Variants in PGBD4 observed in about 807,000 individuals in gnomAD.
The protein encoded by PGBD4 is piggyBac transposable element-derived protein 4.
In PGBD4, 1 loss-of-function variant was observed where a neutral mutation model predicts 0.3. The ratio of observed to expected loss-of-function variants is 3.72; its 90% CI spans 1.32 to 17.64. The LOEUF (loss-of-function observed/expected upper bound fraction) is 17.64, where lower values mean the gene tolerates loss of function less well. Among genes scored for constraint, PGBD4 ranks in the 30% most tolerant of loss-of-function variants. The pLI is 0.11. For missense variants in PGBD4, 624 were observed against 719.7 expected (o/e 0.87, Z 1.52); for synonymous variants, 253 against 267.7 (o/e 0.95, Z 0.54).
chr15:34,103,091 A>C lies in PGBD4; in HGVS notation c.560A>C (p.Tyr187Ser). 1 of 1,613,952 alleles carries C rather than the reference A, an allele frequency of 6.2e-7. No individual in the cohort carries two copies. Among genetic ancestry groups the C allele is most frequent in the Non-Finnish European group, 8.5e-7 (1 of 1,179,998 alleles). Reference protein sequence around the residue: ...WSTRPLLDTPYLRQIMTGERF... With the variant: ...WSTRPLLDTPSLRQIMTGERF... ...ACAAGGCCTCTTTTGGATACACCTT[A>C]TCTCAGGCAAATTATGACTGGTGAA... Residue 187 changes from tyrosine (Y) to serine (S), a missense_variant, in exon 1 of 1, where the codon TAT (tyrosine) becomes TCT (serine). Transcript: ENST00000397766. The surrounding 1 kb of genome is among the most constrained non-coding windows in gnomAD (Gnocchi z 4.6).
chr15:34,102,101 C>A lies in PGBD4; in HGVS notation c.-431C>A. 2 of 530,052 alleles carry A rather than the reference C, an allele frequency of 3.8e-6. No homozygotes were observed. The highest frequency in any genetic ancestry group is 6.6e-6 in the Non-Finnish European group (2 of 303,426). The allele number at this position is 530,052 out of a possible 1,614,324, so 32.8% of individuals were successfully genotyped here. A position where few individuals can be genotyped will look rare whatever the true frequency, so the allele number is the denominator to read the frequency against. On this transcript the variant is annotated 5_prime_UTR_variant, in exon 1 of 1. Coordinates refer to ENST00000397766, the MANE Select transcript of PGBD4 (RefSeq NM_152595.5). This position sits in a 1 kb window ranked among gnomAD's most constrained non-coding sequence, Gnocchi z 4.7. ...GTCAAGTGCCTATGAAGGGGACTGC[C>A]CATGAAGTGAAAGTCAAGTGTGTGT...
rs1901207620 is a variant in PGBD4 at position 34,103,087 on chromosome 15, C to G, written c.556C>G (p.Pro186Ala). The G allele has an allele frequency of 1.2e-5, 19 of 1,613,778 alleles. No individual in the cohort carries two copies. Among genetic ancestry groups the G allele is most frequent in the Non-Finnish European group, 1.6e-5 (19 of 1,180,008 alleles). The change falls in exon 1 of 1, where the codon CCT becomes GCT. Residue 186 changes from proline (P) to alanine (A), a missense_variant. Pro to Ala is a conservative substitution (Grantham distance 27, BLOSUM62 -1). Coordinates refer to ENST00000397766, the MANE Select transcript of PGBD4 (RefSeq NM_152595.5). This position sits in a 1 kb window ranked among gnomAD's most constrained non-coding sequence, Gnocchi z 4.6. ...GTCAACAAGGCCTCTTTTGGATACA[C>G]CTTATCTCAGGCAAATTATGACTGG... ...FWSTRPLLDT[P>A]YLRQIMTGER...
rs747098329 is a variant in PGBD4 at position 34,102,552 on chromosome 15, T to C, written c.21T>C (p.Arg7=). 2 of 1,545,006 alleles carry C rather than the reference T, an allele frequency of 1.3e-6. No individual in the cohort carries two copies. Among genetic ancestry groups the C allele is most frequent in the South Asian group, 2.4e-5 (2 of 82,760 alleles). The change falls in exon 1 of 1, where the codon CGT becomes CGC. Residue 7 remains arginine, a synonymous_variant. Transcript: ENST00000397766. The surrounding 1 kb of genome is among the most constrained non-coding windows in gnomAD (Gnocchi z 4.7). MSNPRK[R]SIPMRDSNTG... ...CTGAAATGTCAAATCCTAGAAAACG[T>C]AGCATTCCTATGCGTGATAGTAATA...
At position 34,103,611 on chromosome 15, in the gene PGBD4, G is replaced by C. The variant is rs765845518; in HGVS notation, c.1080G>C (p.Gln360His). The C allele has an allele frequency of 6.2e-7, 1 of 1,614,140 alleles. No homozygotes were observed. Among genetic ancestry groups the C allele is most frequent in the South Asian group, 1.1e-5 (1 of 91,078 alleles). The change falls in exon 1 of 1, where the codon CAG (glutamine) becomes CAC (histidine). Residue 360 changes from glutamine (Q) to histidine (H), a missense_variant. Coordinates refer to ENST00000397766, the MANE Select transcript of PGBD4 (RefSeq NM_152595.5). The surrounding 1 kb of genome is among the most constrained non-coding windows in gnomAD (Gnocchi z 4.6). ...GGACAGCTCGTTTGAACAGAAAACA[G>C]ATTCCAAATGATCTGAAAAAAAGGA... ...AVGTARLNRK[Q>H]IPNDLKKRIA...
Position 34,102,610 on chromosome 15 carries a change from T to C in PGBD4, c.79T>C (p.Phe27Leu), listed in dbSNP as rs763657982. The change falls in exon 1 of 1, where the codon TTT becomes CTT. Residue 27 changes from phenylalanine to leucine, a missense_variant. Phe to Leu is a conservative substitution (Grantham distance 22). Transcript: ENST00000397766. This position sits in a 1 kb window ranked among gnomAD's most constrained non-coding sequence, Gnocchi z 4.7. ...CGAACAGTTGTTGGCTGAAGATTCA[T>C]TTGATGAATCTGATTTTTCGGAAAT... is the stretch of plus-strand genomic sequence containing the variant. ...GLEQLLAEDS[F>L]DESDFSEIDD... 6.2e-7 allele frequency: 1 copy of C among 1,612,524 alleles called. No homozygotes were observed. Among genetic ancestry groups the C allele is most frequent in the Non-Finnish European group, 8.5e-7 (1 of 1,179,338 alleles).
In PGBD4 at chr15:34,103,346, G is replaced by C; in HGVS notation, c.815G>C (p.Arg272Pro). The C allele has an allele frequency of 6.2e-7, 1 of 1,614,194 alleles. No individual in the cohort carries two copies. Among genetic ancestry groups the C allele is most frequent in the Non-Finnish European group, 8.5e-7 (1 of 1,180,048 alleles). ...CAGTACCTCCCGACAAAACGAGTAC[G>C]ATTTGGTCTGAAGCTATATGTACTT... The part of the protein sequence containing the change: ...MKQYLPTKRV[R>P]FGLKLYVLCE... Residue 272 changes from arginine to proline, a missense_variant, in exon 1 of 1, where the codon CGA (arginine) becomes CCA (proline). Physicochemically the swap from Arg to Pro is moderately radical, Grantham distance 103 (BLOSUM62 -2). Coordinates refer to ENST00000397766, the MANE Select transcript of PGBD4 (RefSeq NM_152595.5). This position sits in a 1 kb window ranked among gnomAD's most constrained non-coding sequence, Gnocchi z 4.6.
Position 34,108,659 on chromosome 15 carries a change from T to C in PGBD4, c.*4370T>C, listed in dbSNP as rs762281351. On this transcript the variant is annotated 3_prime_UTR_variant, in exon 1 of 1. Transcript: ENST00000397766. ...TCAAAAATTGCAAAATTTAGAAATATGCTGAAATAAAAACAGCTTCATCCC... is the reference window on the plus strand; with the variant it reads ...TCAAAAATTGCAAAATTTAGAAATACGCTGAAATAAAAACAGCTTCATCCC... 1 of 152,084 alleles carries C rather than the reference T, an allele frequency of 6.6e-6. No individual in the cohort carries two copies. Among genetic ancestry groups the C allele is most frequent in the East Asian group, 1.9e-4 (1 of 5,204 alleles). The allele number at this position is 152,084 out of a possible 1,614,324, so 9.4% of individuals were successfully genotyped here.
rs376958879 is a variant in PGBD4 at position 34,103,812 on chromosome 15, T to C, written c.1281T>C (p.Asn427=). Residue 427 remains asparagine, a synonymous_variant, in exon 1 of 1, where the codon AAT becomes AAC. Coordinates refer to ENST00000397766, the MANE Select transcript of PGBD4 (RefSeq NM_152595.5). The surrounding 1 kb of genome is among the most constrained non-coding windows in gnomAD (Gnocchi z 4.6). ...RPRVIVDYNE[N]MGAVDSADQM... is the part of the protein sequence containing the mutation. Reference sequence around the variant, plus strand: ...GTGTCATTGTGGATTATAACGAGAATATGGGAGCAGTGGACTCGGCTGATC... The same window carrying C: ...GTGTCATTGTGGATTATAACGAGAACATGGGAGCAGTGGACTCGGCTGATC... 1.7e-5 allele frequency: 28 copies of C among 1,613,958 alleles called. No homozygotes were observed. Among genetic ancestry groups the C allele is most frequent in the Non-Finnish European group, 2.4e-5 (28 of 1,180,034 alleles).
chr15:34,102,871 G>A lies in PGBD4; in HGVS notation c.340G>A (p.Glu114Lys), dbSNP rs1431151182. 1.2e-6 allele frequency: 2 copies of A among 1,614,086 alleles called. No homozygotes were observed. Among genetic ancestry groups the A allele is most frequent in the Non-Finnish European group, 1.7e-6 (2 of 1,180,016 alleles). ...GCAGTATTTTGAACTGTTCTTTACT[G>A]AGGAATTAGTTTCAAAAATTACTAG... ...PLQYFELFFT[E>K]ELVSKITRET... Residue 114 changes from glutamate (E) to lysine (K), a missense_variant, in exon 1 of 1, where the codon GAG becomes AAG. By Grantham distance (56) the Glu-to-Lys change is moderately conservative. Coordinates refer to ENST00000397766, the MANE Select transcript of PGBD4 (RefSeq NM_152595.5). The surrounding 1 kb of genome is among the most constrained non-coding windows in gnomAD (Gnocchi z 4.7).
In PGBD4 at chr15:34,102,342, G is replaced by A; in HGVS notation, c.-190G>A. On this transcript the variant is annotated 5_prime_UTR_variant, in exon 1 of 1. Coordinates refer to ENST00000397766, the MANE Select transcript of PGBD4 (RefSeq NM_152595.5). The surrounding 1 kb of genome is among the most constrained non-coding windows in gnomAD (Gnocchi z 4.7). ...CTGTGCCTGCGACTGCAGCGTTTAC[G>A]CCGAGATAACTCGTGGATTACAGTG... is the stretch of plus-strand genomic sequence containing the variant. 1 of 818,730 alleles carries A rather than the reference G, an allele frequency of 1.2e-6. No homozygotes were observed. The highest frequency in any genetic ancestry group is 1.8e-6 in the Non-Finnish European group (1 of 558,362). 50.7% of individuals were successfully genotyped at this position (818,730 alleles called of 1,614,324 possible). A position where few individuals can be genotyped will look rare whatever the true frequency, so the allele number is the denominator to read the frequency against.
In PGBD4 at chr15:34,102,503, A is replaced by G. The variant is rs369100101; in HGVS notation, c.-29A>G. 1.6e-5 allele frequency: 24 copies of G among 1,477,252 alleles called. No homozygotes were observed. The African/African-American group carries it at 3.4e-4, about 21-fold the overall frequency. 91.5% of individuals were successfully genotyped at this position (1,477,252 alleles called of 1,614,324 possible). A position where few individuals can be genotyped will look rare whatever the true frequency, so the allele number is the denominator to read the frequency against. ...GTTTTTAGTAGTGGGATTTCCATCT[A>G]CAAAATATAGTAATTCTCGATCGCT... On this transcript the variant is annotated 5_prime_UTR_variant, in exon 1 of 1. Coordinates refer to ENST00000397766, the MANE Select transcript of PGBD4 (RefSeq NM_152595.5). The surrounding 1 kb of genome is among the most constrained non-coding windows in gnomAD (Gnocchi z 4.7).
Position 34,103,734 on chromosome 15 carries a change from T to C in PGBD4, c.1203T>C (p.Asn401=). The C allele has an allele frequency of 6.2e-7, 1 of 1,614,188 alleles. No individual in the cohort carries two copies. Among genetic ancestry groups the C allele is most frequent in the African/African-American group, 1.3e-5 (1 of 75,040 alleles). Residue 401 remains asparagine (N), a synonymous_variant, in exon 1 of 1, where the codon AAT becomes AAC. Coordinates refer to ENST00000397766, the MANE Select transcript of PGBD4 (RefSeq NM_152595.5). This position sits in a 1 kb window ranked among gnomAD's most constrained non-coding sequence, Gnocchi z 4.6. The part of the protein sequence containing the change: ...KEVTMLSTFH[N]DTVIEVNNRN... Reference sequence around the variant, plus strand: ...TGACAATGTTGTCAACATTCCACAATGATACTGTGATTGAAGTAAACAATA... The same window carrying C: ...TGACAATGTTGTCAACATTCCACAACGATACTGTGATTGAAGTAAACAATA...
rs1172805076 is a variant in PGBD4, at chr15:34,103,159, T to C, written c.628T>C (p.Ser210Pro). 6.2e-7 allele frequency: 1 copy of C among 1,613,922 alleles called. No homozygotes were observed. Among genetic ancestry groups the C allele is most frequent in the African/African-American group, 1.3e-5 (1 of 74,916 alleles). ...TCGGTGCCTGCATTTTGTCAACAAT[T>C]CTTCTATATCTGCTGGTCAATCAAA... ...LFRCLHFVNNSSISAGQSKAQ... is the reference protein window; with the variant it reads ...LFRCLHFVNNPSISAGQSKAQ... Residue 210 changes from serine to proline, a missense_variant, in exon 1 of 1, where the codon TCT becomes CCT. Physicochemically the swap from Ser to Pro is moderately conservative, Grantham distance 74. Coordinates refer to ENST00000397766, the MANE Select transcript of PGBD4 (RefSeq NM_152595.5). The surrounding 1 kb of genome is among the most constrained non-coding windows in gnomAD (Gnocchi z 4.6).
Position 34,102,455 on chromosome 15 carries a change from C to T in PGBD4, c.-77C>T. 7.0e-7 allele frequency: 1 copy of T among 1,438,056 alleles called. No individual in the cohort carries two copies. Among genetic ancestry groups the T allele is most frequent in the Non-Finnish European group, 9.1e-7 (1 of 1,099,670 alleles). 89.1% of individuals were successfully genotyped at this position (1,438,056 alleles called of 1,614,324 possible). On this transcript the variant is annotated 5_prime_UTR_variant, in exon 1 of 1. Transcript: ENST00000397766. This position sits in a 1 kb window ranked among gnomAD's most constrained non-coding sequence, Gnocchi z 4.7. ...GTATATTGACTTTTGAAACAAAAGA[C>T]ATCATTCTGTTTATAGCATTCTGTT...
chr15:34,103,066 A>G lies in PGBD4; in HGVS notation c.535A>G (p.Thr179Ala), dbSNP rs1901207076. Reference protein sequence around the residue: ...QKPELEMFWSTRPLLDTPYLR... With the variant: ...QKPELEMFWSARPLLDTPYLR... ...ACCTGAGCTGGAGATGTTTTGGTCA[A>G]CAAGGCCTCTTTTGGATACACCTTA... Residue 179 changes from threonine (T) to alanine (A), a missense_variant, in exon 1 of 1, where the codon ACA becomes GCA. By Grantham distance (58) the Thr-to-Ala change is moderately conservative. Transcript: ENST00000397766. The surrounding 1 kb of genome is among the most constrained non-coding windows in gnomAD (Gnocchi z 4.6). The G allele has an allele frequency of 6.2e-7, 1 of 1,613,970 alleles. No individual in the cohort carries two copies. Among genetic ancestry groups the G allele is most frequent in the Non-Finnish European group, 8.5e-7 (1 of 1,180,016 alleles).
chr15:34,102,162 G>A lies in PGBD4; in HGVS notation c.-370G>A. 1 of 469,590 alleles carries A rather than the reference G, an allele frequency of 2.1e-6. No individual in the cohort carries two copies. Among genetic ancestry groups the A allele is most frequent in the Middle Eastern group, 5.5e-4 (1 of 1,828 alleles). 29.1% of individuals were successfully genotyped at this position (469,590 alleles called of 1,614,324 possible). ...GCCACGGAGGCCAAGGACCTCACGG[G>A]AGTAAAAGATGACGAGACTGGCTTC... On this transcript the variant is annotated 5_prime_UTR_variant, in exon 1 of 1. Coordinates refer to ENST00000397766, the MANE Select transcript of PGBD4 (RefSeq NM_152595.5). The surrounding 1 kb of genome is among the most constrained non-coding windows in gnomAD (Gnocchi z 4.7).
rs1465576481 is a variant in PGBD4 at position 34,108,514 on chromosome 15, C to T, written c.*4225C>T. ...AGAGCAGAAGTAAGCATTGTTGAAACCGTAGTAAAAAGATTATTTGAGAAA... is the reference window on the plus strand; with the variant it reads ...AGAGCAGAAGTAAGCATTGTTGAAATCGTAGTAAAAAGATTATTTGAGAAA... On this transcript the variant is annotated 3_prime_UTR_variant, in exon 1 of 1. Coordinates refer to ENST00000397766, the MANE Select transcript of PGBD4 (RefSeq NM_152595.5). 1 of 152,132 alleles carries T rather than the reference C, an allele frequency of 6.6e-6. No individual in the cohort carries two copies. The highest frequency in any genetic ancestry group is 1.9e-4 in the East Asian group (1 of 5,190). The allele number at this position is 152,132 out of a possible 1,614,324, so 9.4% of individuals were successfully genotyped here. A position where few individuals can be genotyped will look rare whatever the true frequency, so the allele number is the denominator to read the frequency against.
Position 34,105,857 on chromosome 15 carries a change from T to G in PGBD4, c.*1568T>G, listed in dbSNP as rs1315476702. On this transcript the variant is annotated 3_prime_UTR_variant, in exon 1 of 1. Coordinates refer to ENST00000397766, the MANE Select transcript of PGBD4 (RefSeq NM_152595.5). The stretch of plus-strand genomic sequence containing the variant: ...CAGAAAGTAAAAGTCAGTTCAGGAC[T>G]GAGAAAGGAAAGATCAGTGCTGATT... 1 of 166,956 alleles carries G rather than the reference T, an allele frequency of 6.0e-6. No homozygotes were observed. The highest frequency in any genetic ancestry group is 1.5e-5 in the Non-Finnish European group (1 of 68,120). 10.3% of individuals were successfully genotyped at this position (166,956 alleles called of 1,614,324 possible). A position where few individuals can be genotyped will look rare whatever the true frequency, so the allele number is the denominator to read the frequency against.
In PGBD4 at chr15:34,103,493, T is replaced by C; in HGVS notation, c.962T>C (p.Leu321Pro). The change falls in exon 1 of 1, where the codon CTT becomes CCT. Residue 321 changes from leucine to proline, a missense_variant. Transcript: ENST00000397766. This position sits in a 1 kb window ranked among gnomAD's most constrained non-coding sequence, Gnocchi z 4.6. ...SRIVLTLVND[L>P]LGQGYCVFLD... ...ATTGTTCTTACCTTGGTCAATGACC[T>C]TCTTGGCCAAGGGTATTGTGTCTTC... 6.2e-7 allele frequency: 1 copy of C among 1,614,222 alleles called. No individual in the cohort carries two copies. The highest frequency in any genetic ancestry group is 8.5e-7 in the Non-Finnish European group (1 of 1,180,042).
Sources: allele counts gnomAD v4.1 joint callset, GRCh38; gene constraint gnomAD v4.1.1; non-coding constraint Gnocchi (gnomAD v3.1); transcripts MANE v1.5; gene names NCBI Gene and HGNC (gene_info 2026-07-23, HGNC 2026-07-21).